Variants in GPC5 observed in about 807,000 individuals in gnomAD.
GPC5 encodes glypican 5.
Under a neutral mutation model 53.9 loss-of-function variants are expected in GPC5, and 47 were observed. The ratio of observed to expected loss-of-function variants is 0.87; its 90% CI spans 0.69 to 1.11. GPC5 has a LOEUF of 1.11. Ranked by LOEUF, GPC5 falls within the 50% of genes most tolerant of loss-of-function variation. GPC5 has a pLI of 0.00. For missense variants in GPC5, 748 were observed against 713.1 expected (o/e 1.05, Z -0.56); for synonymous variants, 286 against 263.3 (o/e 1.09, Z -0.84).
At position 92,138,623 on chromosome 13, in the gene GPC5, G is replaced by A. The variant is rs2209635; in HGVS notation, c.1402-6207G>A. Among the ~76,000 whole-genome samples, 1,060 of 152,210 alleles carry A rather than the reference G, an allele frequency of 7.0e-3. 13 individuals are homozygous for A. Among genetic ancestry groups the A allele is most frequent in the African/African-American group, 0.024 (1,011 of 41,538 alleles). The stretch of plus-strand genomic sequence containing the variant: ...ATTTCATTTGTGTATGTTCGCTTAA[G>A]GGTGCATATATGGAAACCCTTTGTT... On this transcript the variant is annotated intron_variant, in intron 6 of 7. Transcript: ENST00000377067.
At chr13:91,810,101 A>G (rs1373311792) in intron 5 of GPC5, among the ~76,000 whole-genome samples, 1 of 152,104 alleles carries the variant, frequency 6.6e-6, no homozygotes, top group African/African-American at 2.4e-5. Flanking sequence ...AAATTTGGAG[A>G]GAATTCAGTA....
intron 7 of GPC5, among the ~76,000 whole-genome samples, chr13:92,576,317 C>T (rs764777915): frequency 1.3e-5 from 2 of 152,170 alleles, no homozygotes; most frequent in African/African-American, 2.4e-5. Flanking sequence ...CATTTGAAGG[C>T]AGACGGTACC....
At chr13:92,739,852 A>G (rs929523222) in intron 7 of GPC5, among the ~76,000 whole-genome samples, 1 of 151,946 alleles carries the variant, frequency 6.6e-6, no homozygotes, top group African/African-American at 2.4e-5. Context: ...AAGAACAAAA[A>G]CAAAACAAAC....
intron 6 of GPC5, among the ~76,000 whole-genome samples, chr13:91,920,926 CTTTTTTTTTTT>C (rs869309251): frequency 8.1e-4 from 26 of 32,156 alleles, no homozygotes; most frequent in South Asian, 1.6e-3. Flanking sequence ...CTCTCTCTCT[CTTTTTTTTTTT>C]TTTTTTTTTT....
intron 1 of GPC5, among the ~76,000 whole-genome samples, chr13:91,428,462 G>C (rs1188762184): frequency 1.3e-5 from 2 of 152,158 alleles, no homozygotes; most frequent in East Asian, 3.9e-4. Flanking sequence ...CAGGAACTGA[G>C]GCTTGGTCTT....
intron 7 of GPC5, among the ~76,000 whole-genome samples, chr13:92,233,294 A>G (rs971651112): frequency 1.3e-5 from 2 of 152,214 alleles, no homozygotes; most frequent in Non-Finnish European, 2.9e-5. Context: ...GTAGCAATTA[A>G]AAGGTTTTGC....
At chr13:91,564,035 G>A (rs1437716837) in intron 2 of GPC5, among the ~76,000 whole-genome samples, 1 of 152,080 alleles carries the variant, frequency 6.6e-6, no homozygotes, top group South Asian at 2.1e-4. Flanking sequence ...CAACAAAGCT[G>A]TCTTATTCTT....
chr13:92,150,891 T>TAAA lies in GPC5; in HGVS notation c.1561+5915_1561+5917dup, dbSNP rs5805730. Among the ~76,000 whole-genome samples, 1,295 of 145,030 alleles carry TAAA rather than the reference T, an allele frequency of 8.9e-3. 29 individuals are homozygous for TAAA. The highest frequency in any genetic ancestry group is 0.032 in the African/African-American group (1,248 of 38,880). ...GTAACTATATGATCAATAGAGGAAG[T>TAAA]AAAAAAAAAAAAAAATTCAAGCAAA... On this transcript the variant is annotated intron_variant, in intron 7 of 7. Transcript: ENST00000377067.
At position 92,657,911 on chromosome 13, in the gene GPC5, TC is replaced by T. The variant is rs1366010329; in HGVS notation, c.1562-208370del. Among the ~76,000 whole-genome samples, 1,296 of 152,244 alleles carry T rather than the reference TC, an allele frequency of 8.5e-3. 19 individuals are homozygous for T. The highest frequency in any genetic ancestry group is 0.03 in the African/African-American group (1,228 of 41,530). Reference sequence around the variant, plus strand: ...ATCATCTGAATTGCTTTTCTATTTTTCTATTTTTTTGCAACTGGTATGAATC... The same window carrying T: ...ATCATCTGAATTGCTTTTCTATTTTTTATTTTTTTGCAACTGGTATGAATC... On this transcript the variant is annotated intron_variant, in intron 7 of 7. Transcript: ENST00000377067.
intron 1 of GPC5, among the ~76,000 whole-genome samples, chr13:91,418,473 C>G (rs1878387635): frequency 6.6e-6 from 1 of 152,102 alleles, no homozygotes. Context: ...TTCAGACTAC[C>G]CTTTCAAGAA....
chr13:92,819,966 C>T (rs997730494), intron 7 of GPC5, among the ~76,000 whole-genome samples: 3 of 152,116 alleles, frequency 2.0e-5, no homozygotes, highest in African/African-American at 7.2e-5. Flanking sequence ...TTCCTAATCT[C>T]CATTACATGT....
chr13:92,270,931 T>C (rs919038794), intron 7 of GPC5, among the ~76,000 whole-genome samples: 2 of 152,246 alleles, frequency 1.3e-5, no homozygotes, highest in African/African-American at 4.8e-5. Flanking sequence ...AGCTATTTTA[T>C]TTTTGTTGGC....
chr13:92,210,058 C>T (rs892614373), intron 7 of GPC5, among the ~76,000 whole-genome samples: 2 of 152,056 alleles, frequency 1.3e-5, no homozygotes, highest in Non-Finnish European at 2.9e-5. Flanking sequence ...TAGATTGTGC[C>T]CACCCAGATT....
chr13:92,428,525 C>T lies in GPC5; in HGVS notation c.1561+283536C>T, dbSNP rs183912929. ...TATTTTCTGCAAGTATCTAGTCAGACGAGTGGGTGTCTGATCATTGTTGGC... is the reference window on the plus strand; with the variant it reads ...TATTTTCTGCAAGTATCTAGTCAGATGAGTGGGTGTCTGATCATTGTTGGC... On this transcript the variant is annotated intron_variant, in intron 7 of 7. Transcript: ENST00000377067. Among the ~76,000 whole-genome samples the T allele has an allele frequency of 1.4e-3, 207 of 152,160 alleles. 2 individuals carry two copies. Among genetic ancestry groups the T allele is most frequent in the African/African-American group, 4.5e-3 (186 of 41,544 alleles).
chr13:91,962,804 C>A (rs968903850), intron 6 of GPC5, among the ~76,000 whole-genome samples: 1 of 152,160 alleles, frequency 6.6e-6, no homozygotes. Flanking sequence ...CTGCTGGTAA[C>A]AAAATTATTA....
intron 2 of GPC5, among the ~76,000 whole-genome samples, chr13:91,651,737 T>C (rs1566582530): frequency 7.0e-6 from 1 of 142,002 alleles, no homozygotes; most frequent in South Asian, 2.3e-4. Context: ...AAAAAAAAGA[T>C]TTATAAAGAT....
At chr13:91,684,634 G>A (rs1421121749) in intron 2 of GPC5, among the ~76,000 whole-genome samples, 1 of 152,172 alleles carries the variant, frequency 6.6e-6, no homozygotes, top group Admixed American at 6.6e-5. Flanking sequence ...AGCAATGACT[G>A]TCACCCATAC....
At chr13:91,916,941 A>ACAGC (rs372372372) in intron 6 of GPC5, among the ~76,000 whole-genome samples, 110 of 152,336 alleles carry the variant, frequency 7.2e-4, no homozygotes, top group African/African-American at 2.6e-3. Context: ...GGGTGGAGAC[A>ACAGC]CAGCCAAACC....
chr13:92,673,452 T>G (rs2139209507), intron 7 of GPC5, among the ~76,000 whole-genome samples: 1 of 152,108 alleles, frequency 6.6e-6, no homozygotes, highest in African/African-American at 2.4e-5. Context: ...GCCTGGCTAA[T>G]TTTGCATTTT....
Sources: gnomAD v4.1 joint callset for allele counts (sites outside exome capture counted in the v4.1 genomes callset) on GRCh38, gnomAD v4.1.1 for gene constraint, MANE v1.5 for transcripts, NCBI Gene and HGNC (gene_info 2026-07-23, HGNC 2026-07-21) for gene names.